The following FRMD4B variants were observed in gnomAD, a reference collection of about 807,000 sequenced individuals.
The protein encoded by FRMD4B is FERM domain containing 4B.
Under a neutral mutation model 141.5 loss-of-function variants are expected in FRMD4B, and 74 were observed. The ratio of observed to expected loss-of-function variants is 0.52; its 90% CI spans 0.43 to 0.63. The LOEUF is 0.63. Ranked by LOEUF, FRMD4B falls within the 30% of genes least tolerant of loss-of-function variation. The pLI, the probability that FRMD4B is intolerant of heterozygous loss-of-function variation, is 0.00. For synonymous variants in FRMD4B, 506 were observed against 467.9 expected (o/e 1.08, Z -1.05); for missense variants, 1,366 against 1,253.4 (o/e 1.09, Z -1.36).
chr3:69,524,035 AT>A (rs1700895358), intron 1 of FRMD4B, among the ~76,000 whole-genome samples: 1 of 152,214 alleles, frequency 6.6e-6, no homozygotes, highest in African/African-American at 2.4e-5. Flanking sequence ...CATGGTAGGT[AT>A]GTATAGGAAG....
chr3:69,359,070 T>A (rs956275160), intron 1 of FRMD4B, among the ~76,000 whole-genome samples: 1 of 152,204 alleles, frequency 6.6e-6, no homozygotes, highest in Non-Finnish European at 1.5e-5. Flanking sequence ...TGGTAAATTA[T>A]GTAGCTAGCT....
intron 1 of FRMD4B, among the ~76,000 whole-genome samples, chr3:69,330,188 T>C (rs1702318512): frequency 6.6e-6 from 1 of 152,056 alleles, no homozygotes; most frequent in East Asian, 1.9e-4. Context: ...TGAGTTGATT[T>C]TCCTTCATTT....
chr3:69,339,669 G>C (rs1264458174), intron 1 of FRMD4B, among the ~76,000 whole-genome samples: 3 of 152,068 alleles, frequency 2.0e-5, no homozygotes, highest in Non-Finnish European at 4.4e-5. Context: ...AGTTCTGCAG[G>C]CCTCGAAAAA....
At chr3:69,275,853 T>C (rs941109665) in intron 5 of FRMD4B, among the ~76,000 whole-genome samples, 1 of 152,180 alleles carries the variant, frequency 6.6e-6, no homozygotes, top group Non-Finnish European at 1.5e-5. Context: ...AAGTATAACT[T>C]AGAAAGCAAA....
intron 5 of FRMD4B, among the ~76,000 whole-genome samples, chr3:69,278,537 A>G (rs1362896219): frequency 2.0e-5 from 3 of 150,792 alleles, no homozygotes; most frequent in Admixed American, 6.6e-5. Flanking sequence ...CCCTCAAGTG[A>G]TCCTCTTACT....
intron 1 of FRMD4B, among the ~76,000 whole-genome samples, chr3:69,482,807 C>T (rs1706151309): frequency 6.6e-6 from 1 of 152,218 alleles, no homozygotes; most frequent in Non-Finnish European, 1.5e-5. Flanking sequence ...AATAACATCG[C>T]ATCCCAGGGT....
chr3:69,426,849 C>T (rs1180777626), intron 2 of FRMD4B, among the ~76,000 whole-genome samples: 1 of 152,132 alleles, frequency 6.6e-6, no homozygotes, highest in African/African-American at 2.4e-5. Context: ...GGCTGAGAAA[C>T]AGGAGGGAAA....
intron 1 of FRMD4B, among the ~76,000 whole-genome samples, chr3:69,509,337 C>A (rs1706651787): frequency 6.6e-6 from 1 of 152,336 alleles, no homozygotes; most frequent in South Asian, 2.1e-4. Flanking sequence ...CCAACAGAAA[C>A]ATTCATCAGA....
chr3:69,521,509 C>T (rs1392385168), intron 1 of FRMD4B, among the ~76,000 whole-genome samples: 1 of 152,154 alleles, frequency 6.6e-6, no homozygotes, highest in East Asian at 1.9e-4. Flanking sequence ...GTAAATATCC[C>T]ATGTGACTTT....
rs772214145 is a variant in FRMD4B, at chr3:69,170,777, C to T, written c.*1084G>A. ...TTTAGCCTCATAATTAAATCCACTG[C>T]AGCTTGGAGCTTTTTGTCGTTGTTG... is the stretch of plus-strand genomic sequence containing the variant. On this transcript the variant is annotated 3_prime_UTR_variant, in exon 23 of 23. Coordinates refer to ENST00000398540, the MANE Select transcript of FRMD4B (RefSeq NM_015123.3). The T allele has an allele frequency of 6.6e-6, 1 of 152,186 alleles. No homozygotes were observed. Among genetic ancestry groups the T allele is most frequent in the Non-Finnish European group, 1.5e-5 (1 of 68,040 alleles). 9.4% of individuals were successfully genotyped at this position (152,186 alleles called of 1,614,324 possible).
rs772420203 is a variant in FRMD4B, at chr3:69,196,884, G to A, written c.1092+16C>T. The A allele has an allele frequency of 6.3e-7, 1 of 1,593,844 alleles. No individual in the cohort carries two copies. Among genetic ancestry groups the A allele is most frequent in the African/African-American group, 1.3e-5 (1 of 74,646 alleles). On this transcript the variant is annotated intron_variant, in intron 13 of 22. Transcript: ENST00000398540. ...AAGGGGAATCTGTCCCTATAGAAATGATGCCAGTTACTTACTTTGCTTTGC... is the reference window on the plus strand; with the variant it reads ...AAGGGGAATCTGTCCCTATAGAAATAATGCCAGTTACTTACTTTGCTTTGC...
At chr3:69,323,520 G>A (rs1200242907) in intron 1 of FRMD4B, among the ~76,000 whole-genome samples, 2 of 149,472 alleles carry the variant, frequency 1.3e-5, no homozygotes, top group African/African-American at 4.9e-5. Flanking sequence ...AGCTGAGGTC[G>A]CACCACTGCA....
intron 11 of FRMD4B, among the ~76,000 whole-genome samples, chr3:69,203,049 T>G (rs2092984984): frequency 6.6e-6 from 1 of 151,144 alleles, no homozygotes; most frequent in South Asian, 2.1e-4. Context: ...TAAAATATTG[T>G]CATCACAAGA....
At chr3:69,474,005 C>A (rs1705937802) in intron 1 of FRMD4B, among the ~76,000 whole-genome samples, 1 of 152,156 alleles carries the variant, frequency 6.6e-6, no homozygotes, top group Non-Finnish European at 1.5e-5. Flanking sequence ...ACCTTCCCTA[C>A]ACAATACAAA....
chr3:69,366,713 CCT>C (rs148039374), intron 1 of FRMD4B, among the ~76,000 whole-genome samples: 27,007 of 151,812 alleles, frequency 0.18, 2,638 homozygotes, highest in African/African-American at 0.26. Flanking sequence ...ACAAACACGA[CCT>C]TTTTTTTCAA....
intron 4 of FRMD4B, among the ~76,000 whole-genome samples, chr3:69,301,404 C>A (rs1701214925): frequency 6.6e-6 from 1 of 152,134 alleles, no homozygotes; most frequent in African/African-American, 2.4e-5. Flanking sequence ...TGGCTCACTG[C>A]AACCTCTGCC....
At chr3:69,205,365 C>A (rs1224337383) in intron 11 of FRMD4B, among the ~76,000 whole-genome samples, 1 of 152,092 alleles carries the variant, frequency 6.6e-6, no homozygotes, top group East Asian at 1.9e-4. Context: ...GGGTATTTCA[C>A]TGGAGGCTAA....
chr3:69,525,190 C>A (rs545241188), intron 1 of FRMD4B, among the ~76,000 whole-genome samples: 18 of 152,020 alleles, frequency 1.2e-4, no homozygotes, highest in African/African-American at 3.6e-4. Context: ...TCTTGCTAAT[C>A]CTGCCACCCA....
chr3:69,481,879 C>G (rs563705958), intron 1 of FRMD4B, among the ~76,000 whole-genome samples: 1 of 152,306 alleles, frequency 6.6e-6, no homozygotes, highest in East Asian at 1.9e-4. Context: ...GTGGCTCCTA[C>G]AGCAACCAGC....
Sources: allele counts gnomAD v4.1 joint callset (sites outside exome capture counted in the v4.1 genomes callset), GRCh38; gene constraint gnomAD v4.1.1; transcripts MANE v1.5; gene names NCBI Gene and HGNC (gene_info 2026-07-23, HGNC 2026-07-21).